AHI1: variants seen among roughly 807,000 people sequenced by gnomAD.
The protein encoded by AHI1 is jouberin.
A neutral mutation model predicts 149.3 loss-of-function variants in AHI1; 123 were observed. The observed-to-expected ratio is 0.82, with a 90% CI of 0.71 to 0.96. The LOEUF (loss-of-function observed/expected upper bound fraction) is 0.96. AHI1 is among the 40% of genes least tolerant of loss of function. AHI1 has a pLI of 0.00. For missense variants in AHI1, 1,439 were observed against 1,422.7 expected (o/e 1.01, Z -0.18); for synonymous variants, 475 against 459.8 (o/e 1.03, Z -0.42).
intron 24 of AHI1, among the ~76,000 whole-genome samples, chr6:135,326,802 C>T (rs939304606): frequency 1.3e-5 from 2 of 152,144 alleles, no homozygotes; most frequent in African/African-American, 4.8e-5. Context: ...TCAGGTGATC[C>T]GCCTGCCTTG....
intron 20 of AHI1, among the ~76,000 whole-genome samples, chr6:135,425,299 CATT>C (rs1415485268): frequency 1.3e-5 from 2 of 151,778 alleles, no homozygotes; most frequent in South Asian, 2.1e-4. Flanking sequence ...GTGGAAATAA[CATT>C]ATGTTTTTAA....
At chr6:135,393,725 T>C (rs940319726) in intron 23 of AHI1, among the ~76,000 whole-genome samples, 5 of 152,154 alleles carry the variant, frequency 3.3e-5, no homozygotes, top group Non-Finnish European at 5.9e-5. Context: ...ATATTCATCA[T>C]GTTTACAATA....
intron 24 of AHI1, among the ~76,000 whole-genome samples, chr6:135,356,252 G>T (rs1792948324): frequency 6.6e-6 from 1 of 151,850 alleles, no homozygotes; most frequent in African/African-American, 2.4e-5. Flanking sequence ...CAAAATTTGG[G>T]GCTACAAATA....
intron 24 of AHI1, among the ~76,000 whole-genome samples, chr6:135,351,145 A>C (rs1405212293): frequency 8.6e-6 from 1 of 116,296 alleles, no homozygotes; most frequent in Non-Finnish European, 1.6e-5. Context: ...CAAAAAAAAC[A>C]AAAAAAAAAA....
intron 18 of AHI1, 32 bp downstream of exon 18, chr6:135,429,850 T>C (rs1200718514): frequency 2.4e-6 from 3 of 1,258,646 alleles, no homozygotes; most frequent in Non-Finnish European, 3.4e-6. Context: ...ACTCTGTGAG[T>C]ACTTATCCTG....
chr6:135,421,772 C>A (rs1045186798), intron 20 of AHI1, among the ~76,000 whole-genome samples: 1 of 152,046 alleles, frequency 6.6e-6, no homozygotes, highest in Non-Finnish European at 1.5e-5. Context: ...ACTTTCATAT[C>A]AAAGTACCTA....
chr6:135,433,295 G>A (rs1784922917), intron 15 of AHI1, 39 bp from the exon 16 acceptor site: 10 of 1,438,732 alleles, frequency 7.0e-6, no homozygotes, highest in Non-Finnish European at 9.6e-6. Context: ...CTTCTGAAAA[G>A]CAGAAGTTTC....
chr6:135,485,430 T>C (rs1472346438), intron 5 of AHI1, among the ~76,000 whole-genome samples: 1 of 152,162 alleles, frequency 6.6e-6, no homozygotes, highest in Non-Finnish European at 1.5e-5. Flanking sequence ...TTTTTCTGCA[T>C]TAACTTTAGC....
intron 23 of AHI1, 142 bp downstream of exon 23, chr6:135,394,634 A>T: frequency 4.2e-6 from 5 of 1,204,558 alleles, no homozygotes; most frequent in Non-Finnish European, 5.9e-6. Flanking sequence ...GATTTTAAGG[A>T]CAAAAGAGAT....
At chr6:135,287,458 GCTC>G (rs1456799022) in intron 28 of AHI1, among the ~76,000 whole-genome samples, 26 of 152,164 alleles carry the variant, frequency 1.7e-4, no homozygotes, top group Admixed American at 1.6e-3. Flanking sequence ...GACACTGGCG[GCTC>G]CTCCTGACGA....
intron 27 of AHI1, among the ~76,000 whole-genome samples, chr6:135,295,473 CA>C (rs202132785): frequency 1.3e-5 from 2 of 151,734 alleles, no homozygotes; most frequent in African/African-American, 2.4e-5. Flanking sequence ...GTTAAACAAA[CA>C]AAAAAAACCC....
At chr6:135,299,484 G>A (rs958799713) in intron 27 of AHI1, among the ~76,000 whole-genome samples, 7 of 152,176 alleles carry the variant, frequency 4.6e-5, no homozygotes, top group Admixed American at 4.6e-4. Flanking sequence ...TGGTGGTGAT[G>A]GGATGGGAGG....
At chr6:135,418,852 A>G (rs1782743907) in intron 20 of AHI1, among the ~76,000 whole-genome samples, 1 of 151,304 alleles carries the variant, frequency 6.6e-6, no homozygotes, top group Non-Finnish European at 1.5e-5. Context: ...TATCATCCCT[A>G]TAAGTTGGTA....
At chr6:135,495,788 G>C (rs368668308) in intron 3 of AHI1, 26 bp downstream of exon 3, 2 of 152,218 alleles carry the variant, frequency 1.3e-5, no homozygotes, top group African/African-American at 4.8e-5. Flanking sequence ...AAAGACTCAG[G>C]CTTGAGCTCT....
intron 26 of AHI1, chr6:135,301,223 C>A (rs1783839222): frequency 6.1e-6 from 6 of 984,306 alleles, no homozygotes; most frequent in African/African-American, 1.7e-5. Flanking sequence ...AAACGAATTG[C>A]AATTTTTTTT....
intron 19 of AHI1, among the ~76,000 whole-genome samples, chr6:135,428,109 C>G (rs1784156709): frequency 1.3e-5 from 2 of 151,508 alleles, no homozygotes; most frequent in African/African-American, 2.4e-5. Flanking sequence ...TTTAGCTTTT[C>G]TTTTGAAAAG....
At chr6:135,443,991 T>C (rs717120) in intron 13 of AHI1, among the ~76,000 whole-genome samples, 21,020 of 152,220 alleles carry the variant, frequency 0.14, 1,817 homozygotes, top group South Asian at 0.2. Flanking sequence ...AATGAAAACA[T>C]TGAACCCACT....
intron 25 of AHI1, among the ~76,000 whole-genome samples, chr6:135,321,864 C>T (rs1299793762): frequency 2.0e-5 from 3 of 152,006 alleles, no homozygotes; most frequent in Admixed American, 1.3e-4. Context: ...TGCAGTGGCA[C>T]GATCTTGGCT....
At chr6:135,445,295 G>A (rs747625632) in intron 13 of AHI1, among the ~76,000 whole-genome samples, 1 of 152,200 alleles carries the variant, frequency 6.6e-6, no homozygotes, top group Non-Finnish European at 1.5e-5. Context: ...CAGCTCATAT[G>A]CATAAAATAA....
Sources: gnomAD v4.1 joint callset for allele counts (sites outside exome capture counted in the v4.1 genomes callset) on GRCh38, gnomAD v4.1.1 for gene constraint, MANE v1.5 for transcripts, NCBI Gene and HGNC (gene_info 2026-07-23, HGNC 2026-07-21) for gene names.